Variants in CNTNAP2 observed in about 807,000 individuals in gnomAD.
CNTNAP2 encodes the protein contactin-associated protein-like 2.
A neutral mutation model predicts 155.2 loss-of-function variants in CNTNAP2; 98 were observed. The observed-to-expected ratio is 0.63, with a 90% CI of 0.54 to 0.75. The LOEUF is 0.75. Among genes scored for constraint, CNTNAP2 ranks in the 30% least tolerant of loss-of-function variants. The pLI, the probability that CNTNAP2 is intolerant of heterozygous loss-of-function variation, is 0.00. For missense variants in CNTNAP2, 1,727 were observed against 1,688.1 expected (o/e 1.02, Z -0.40); for synonymous variants, 651 against 631.2 (o/e 1.03, Z -0.47).
intron 1 of CNTNAP2, among the ~76,000 whole-genome samples, chr7:146,755,939 T>C (rs1295579219): frequency 1.3e-5 from 2 of 151,956 alleles, no homozygotes; most frequent in Non-Finnish European, 2.9e-5. Context: ...ATATACTTTG[T>C]AAGGATTTTC....
At chr7:147,074,544 C>T (rs1563066738) in intron 4 of CNTNAP2, among the ~76,000 whole-genome samples, 1 of 152,060 alleles carries the variant, frequency 6.6e-6, no homozygotes, top group Non-Finnish European at 1.5e-5. Context: ...GCAAAAGCCC[C>T]ATTAGATGTA....
chr7:147,060,498 G>A (rs1013340270), intron 4 of CNTNAP2, among the ~76,000 whole-genome samples: 1 of 152,116 alleles, frequency 6.6e-6, no homozygotes, highest in African/African-American at 2.4e-5. Context: ...AAACACAGGT[G>A]GAGCACAAGG....
chr7:146,500,515 T>C (rs2129133160), intron 1 of CNTNAP2, among the ~76,000 whole-genome samples: 1 of 152,230 alleles, frequency 6.6e-6, no homozygotes, highest in African/African-American at 2.4e-5. Context: ...TCCGGTGAGT[T>C]TCAGTTCTTT....
At chr7:147,874,796 A>G (rs973731277) in intron 13 of CNTNAP2, among the ~76,000 whole-genome samples, 3 of 152,082 alleles carry the variant, frequency 2.0e-5, no homozygotes, top group Non-Finnish European at 4.4e-5. Context: ...GCTCTGCTTC[A>G]TCTTGAATGC....
At chr7:147,023,754 G>C (rs1250957146) in intron 3 of CNTNAP2, among the ~76,000 whole-genome samples, 1 of 152,210 alleles carries the variant, frequency 6.6e-6, no homozygotes, top group East Asian at 1.9e-4. Flanking sequence ...TTTACTGCCA[G>C]TTGCCTTCTG....
intron 21 of CNTNAP2, among the ~76,000 whole-genome samples, chr7:148,312,763 T>C (rs1405739019): frequency 6.6e-6 from 1 of 152,158 alleles, no homozygotes; most frequent in Non-Finnish European, 1.5e-5. Flanking sequence ...TAACAGACTT[T>C]AATCCTTTTA....
intron 1 of CNTNAP2, among the ~76,000 whole-genome samples, chr7:146,181,221 T>A (rs936898061): frequency 6.6e-6 from 1 of 152,172 alleles, no homozygotes; most frequent in African/African-American, 2.4e-5. Flanking sequence ...TTCACTTTCA[T>A]TATTTTAGTA....
chr7:147,179,634 A>C (rs1279149169), intron 8 of CNTNAP2, among the ~76,000 whole-genome samples: 1 of 152,186 alleles, frequency 6.6e-6, no homozygotes, highest in Non-Finnish European at 1.5e-5. Flanking sequence ...AGTCTTATCA[A>C]AATCGGTTTT....
At chr7:147,299,874 A>G (rs1171038485) in intron 8 of CNTNAP2, among the ~76,000 whole-genome samples, 2 of 152,068 alleles carry the variant, frequency 1.3e-5, no homozygotes, top group African/African-American at 4.8e-5. Context: ...CTTTTTTTCA[A>G]TCCATTTCTT....
intron 1 of CNTNAP2, among the ~76,000 whole-genome samples, chr7:146,289,676 G>A (rs867949889): frequency 4.6e-5 from 7 of 152,002 alleles, no homozygotes; most frequent in African/African-American, 7.3e-5. Flanking sequence ...ATTCCAAATC[G>A]TATTTAAAAT....
At chr7:147,751,080 T>TA (rs200725251) in intron 13 of CNTNAP2, among the ~76,000 whole-genome samples, 152 of 147,130 alleles carry the variant, frequency 1.0e-3, no homozygotes, top group African/African-American at 3.5e-3. Flanking sequence ...ATAAAATAAA[T>TA]TAAAAAAAAT....
intron 13 of CNTNAP2, among the ~76,000 whole-genome samples, chr7:147,869,449 T>A (rs981498757): frequency 3.9e-5 from 6 of 152,176 alleles, no homozygotes; most frequent in Non-Finnish European, 8.8e-5. Flanking sequence ...AGAATGAGAA[T>A]TTCAAAGTAC....
At position 147,072,921 on chromosome 7, in the gene CNTNAP2, C is replaced by A. The variant is rs10216066; in HGVS notation, c.550+28867C>A. ...AGGCTGGAGTGCAGTGGTGTGATCT[C>A]GGCTCACTGCAAGCTCCACCTCCTG... On this transcript the variant is annotated intron_variant, in intron 4 of 23. Coordinates refer to ENST00000361727, the MANE Select transcript of CNTNAP2 (RefSeq NM_014141.6). 6.9e-3 allele frequency among the ~76,000 whole-genome samples: 914 copies of A among 133,274 alleles called. 14 individuals are homozygous for A. The highest frequency in any genetic ancestry group is 0.025 in the African/African-American group (848 of 34,048). The allele number at this position is 133,274 out of a possible 152,430, so 87.4% of individuals were successfully genotyped here.
At chr7:146,409,419 A>G (rs1584912025) in intron 1 of CNTNAP2, among the ~76,000 whole-genome samples, 1 of 152,216 alleles carries the variant, frequency 6.6e-6, no homozygotes, top group Non-Finnish European at 1.5e-5. Flanking sequence ...GATACATTAG[A>G]AATGTTTATT....
chr7:148,357,290 T>TCCTTTG lies in CNTNAP2; in HGVS notation c.3476-26349_3476-26344dup, dbSNP rs768327431. On this transcript the variant is annotated intron_variant, in intron 21 of 23. Coordinates refer to ENST00000361727, the MANE Select transcript of CNTNAP2 (RefSeq NM_014141.6). ...ACCATGTAAGATGTGATTTTGTTCC[T>TCCTTTG]CCTTTGCCTTTGCCTATGATTGTGA... is the stretch of plus-strand genomic sequence containing the variant. 1.5e-3 allele frequency among the ~76,000 whole-genome samples: 233 copies of TCCTTTG among 152,318 alleles called. 1 individual carries two copies. The highest frequency in any genetic ancestry group is 4.6e-3 in the Admixed American group (70 of 15,308).
At chr7:147,100,756 T>C (rs550901141) in intron 4 of CNTNAP2, among the ~76,000 whole-genome samples, 1 of 152,240 alleles carries the variant, frequency 6.6e-6, no homozygotes, top group African/African-American at 2.4e-5. Flanking sequence ...ATTCTCCTTT[T>C]GCCTTGTTTC....
At chr7:146,800,306 C>G (rs927311321) in intron 2 of CNTNAP2, among the ~76,000 whole-genome samples, 1 of 152,160 alleles carries the variant, frequency 6.6e-6, no homozygotes, top group African/African-American at 2.4e-5. Flanking sequence ...GAAGCCAGCA[C>G]TGCTATACCC....
At chr7:147,343,868 CA>C (rs1272762382) in intron 9 of CNTNAP2, among the ~76,000 whole-genome samples, 2 of 152,112 alleles carry the variant, frequency 1.3e-5, no homozygotes, top group East Asian at 1.9e-4. Flanking sequence ...ACCACAATTT[CA>C]AACTGTCCTT....
intron 1 of CNTNAP2, among the ~76,000 whole-genome samples, chr7:146,340,967 T>C (rs1053311789): frequency 6.6e-6 from 1 of 152,176 alleles, no homozygotes; most frequent in African/African-American, 2.4e-5. Flanking sequence ...AGAAAATATC[T>C]CTTCCTAGAT....
Sources: gnomAD v4.1 joint callset for allele counts (sites outside exome capture counted in the v4.1 genomes callset) on GRCh38, gnomAD v4.1.1 for gene constraint, MANE v1.5 for transcripts, NCBI Gene and HGNC (gene_info 2026-07-23, HGNC 2026-07-21) for gene names.